Variants in ALCAM observed in about 807,000 individuals in gnomAD.
The protein encoded by ALCAM is CD166 antigen.
Under a neutral mutation model 70.9 loss-of-function variants are expected in ALCAM, and 30 were observed. That is an observed-to-expected ratio of 0.42 (90% CI 0.32 to 0.57). The LOEUF is 0.57. ALCAM is among the 20% of genes least tolerant of loss of function. The probability of loss-of-function intolerance (pLI) is 0.11; values close to 1 mark genes in which losing one functional copy is unlikely to be tolerated. For synonymous variants in ALCAM, 249 were observed against 242.5 expected (o/e 1.03, Z -0.25); for missense variants, 591 against 695.1 (o/e 0.85, Z 1.68).
Position 105,533,697 on chromosome 3 carries a change from GT to G in ALCAM, c.547+8del, listed in dbSNP as rs1393406488. Reference sequence around the variant, plus strand: ...CTACATCCCCTTGAAGGAGGTGGGTGTGAGGGCAGGAGGACAGGGAGTACAT... The same window carrying G: ...CTACATCCCCTTGAAGGAGGTGGGTGGAGGGCAGGAGGACAGGGAGTACAT... On this transcript the variant is annotated splice_region_variant and intron_variant, in intron 5 of 15. Coordinates refer to ENST00000306107, the MANE Select transcript of ALCAM (RefSeq NM_001627.4). The G allele has an allele frequency of 6.2e-7, 1 of 1,609,644 alleles. No homozygotes were observed. The highest frequency in any genetic ancestry group is 1.3e-5 in the African/African-American group (1 of 74,790).
At chr3:105,495,524 A>G (rs1363697116) in intron 1 of ALCAM, among the ~76,000 whole-genome samples, 1 of 152,216 alleles carries the variant, frequency 6.6e-6, no homozygotes, top group Non-Finnish European at 1.5e-5. Flanking sequence ...CAAAAAAATG[A>G]CATATTTAAA....
Position 105,547,448 on chromosome 3 carries a change from A to C in ALCAM, c.1299A>C (p.Ile433=). The change falls in exon 11 of 16, where the codon ATA becomes ATC. Residue 433 remains isoleucine, a synonymous_variant. Coordinates refer to ENST00000306107, the MANE Select transcript of ALCAM (RefSeq NM_001627.4). ...KTDPSGLSKT[I]ICHVEGFPKP... ...ATCCCAGTGGACTATCTAAAACAATAATCTGCCATGTGGAAGGTTTTCCAA... is the reference window on the plus strand; with the variant it reads ...ATCCCAGTGGACTATCTAAAACAATCATCTGCCATGTGGAAGGTTTTCCAA... 6.2e-7 allele frequency: 1 copy of C among 1,610,704 alleles called. No homozygotes were observed. The highest frequency in any genetic ancestry group is 8.5e-7 in the Non-Finnish European group (1 of 1,177,794).
intron 1 of ALCAM, among the ~76,000 whole-genome samples, chr3:105,409,746 C>T (rs1234284096): frequency 6.6e-6 from 1 of 151,998 alleles, no homozygotes. Context: ...CCTGTCCTAA[C>T]AATCAATGAA....
At chr3:105,420,919 G>T (rs2107415247) in intron 1 of ALCAM, among the ~76,000 whole-genome samples, 1 of 151,540 alleles carries the variant, frequency 6.6e-6, no homozygotes, top group East Asian at 1.9e-4. Context: ...CTGAGGAAGA[G>T]TATTCAAGGG....
intron 1 of ALCAM, among the ~76,000 whole-genome samples, chr3:105,369,188 C>G (rs1038449870): frequency 6.6e-6 from 1 of 152,164 alleles, no homozygotes; most frequent in African/African-American, 2.4e-5. Context: ...ATCTCACCCT[C>G]GTCCACACCC....
intron 1 of ALCAM, among the ~76,000 whole-genome samples, chr3:105,406,197 G>T (rs1009022797): frequency 3.3e-5 from 5 of 152,164 alleles, no homozygotes; most frequent in African/African-American, 1.2e-4. Context: ...AGATACTGGG[G>T]TAATTACCCT....
intron 14 of ALCAM, among the ~76,000 whole-genome samples, chr3:105,561,128 G>A (rs949591480): frequency 6.6e-6 from 1 of 151,986 alleles, no homozygotes; most frequent in African/African-American, 2.4e-5. Context: ...GTTTATTCCT[G>A]TATGTTTATA....
At chr3:105,407,435 C>T (rs933382470) in intron 1 of ALCAM, among the ~76,000 whole-genome samples, 3 of 151,836 alleles carry the variant, frequency 2.0e-5, no homozygotes, top group East Asian at 1.9e-4. Flanking sequence ...TCAATAGATG[C>T]GATACACCAC....
At chr3:105,427,005 G>T (rs1045281497) in intron 1 of ALCAM, among the ~76,000 whole-genome samples, 1 of 151,818 alleles carries the variant, frequency 6.6e-6, no homozygotes, top group South Asian at 2.1e-4. Context: ...CAAGCCAAGT[G>T]GGACTGTTCT....
At chr3:105,382,392 A>G (rs1489312198) in intron 1 of ALCAM, among the ~76,000 whole-genome samples, 4 of 152,062 alleles carry the variant, frequency 2.6e-5, no homozygotes, top group Admixed American at 6.6e-5. Context: ...TAGTGCCACA[A>G]TAAACATACA....
chr3:105,438,373 G>A (rs960949155), intron 1 of ALCAM, among the ~76,000 whole-genome samples: 4 of 151,708 alleles, frequency 2.6e-5, no homozygotes, highest in Non-Finnish European at 5.9e-5. Context: ...TTATACATAA[G>A]GGACACACAT....
At chr3:105,504,355 G>C (rs568960112) in intron 1 of ALCAM, among the ~76,000 whole-genome samples, 1 of 152,352 alleles carries the variant, frequency 6.6e-6, no homozygotes, top group Admixed American at 6.5e-5. Flanking sequence ...AGGGCTTTCT[G>C]TATCTCGGGT....
chr3:105,402,210 A>G (rs766696935), intron 1 of ALCAM, among the ~76,000 whole-genome samples: 2 of 152,222 alleles, frequency 1.3e-5, no homozygotes, highest in East Asian at 1.9e-4. Flanking sequence ...TGCCAAATCT[A>G]GATACTTTGT....
chr3:105,451,246 A>T (rs1937421283), intron 1 of ALCAM, among the ~76,000 whole-genome samples: 1 of 151,804 alleles, frequency 6.6e-6, no homozygotes, highest in Non-Finnish European at 1.5e-5. Context: ...AGAAAAATAA[A>T]GCAAGGAAGC....
intron 1 of ALCAM, among the ~76,000 whole-genome samples, chr3:105,502,992 A>G (rs944872399): frequency 6.6e-6 from 1 of 152,238 alleles, no homozygotes. Flanking sequence ...TTATTTTTGC[A>G]TTTACTTTTT....
At chr3:105,465,467 A>G (rs1576181182) in intron 1 of ALCAM, among the ~76,000 whole-genome samples, 1 of 151,528 alleles carries the variant, frequency 6.6e-6, no homozygotes, top group African/African-American at 2.4e-5. Context: ...AGAAAAAGAG[A>G]TAATAGTAAG....
intron 1 of ALCAM, among the ~76,000 whole-genome samples, chr3:105,405,377 G>A (rs184455322): frequency 2.7e-5 from 4 of 149,970 alleles, no homozygotes; most frequent in African/African-American, 9.8e-5. Flanking sequence ...AAATACATAT[G>A]CACCTAAGAG....
intron 1 of ALCAM, among the ~76,000 whole-genome samples, chr3:105,369,610 T>C (rs1935174141): frequency 2.0e-5 from 3 of 152,218 alleles, no homozygotes; most frequent in Admixed American, 2.0e-4. Flanking sequence ...TTCGGAGCCC[T>C]CTGCATAGCA....
At chr3:105,474,951 C>A (rs1352419846) in intron 1 of ALCAM, among the ~76,000 whole-genome samples, 3 of 150,324 alleles carry the variant, frequency 2.0e-5, no homozygotes, top group Non-Finnish European at 4.4e-5. Flanking sequence ...AAACAAACAA[C>A]AAAAAAAATC....
Sources: gnomAD v4.1 joint callset for allele counts (sites outside exome capture counted in the v4.1 genomes callset) on GRCh38, gnomAD v4.1.1 for gene constraint, MANE v1.5 for transcripts, NCBI Gene and HGNC (gene_info 2026-07-23, HGNC 2026-07-21) for gene names.